Variants in PDGFRL observed in about 807,000 individuals in gnomAD.
PDGFRL encodes the protein platelet-derived growth factor receptor-like protein.
PDGFRL carries 46 observed loss-of-function variants against 37.2 expected under a neutral mutation model. That is an observed-to-expected ratio of 1.24 (90% CI 0.98 to 1.58). The LOEUF (loss-of-function observed/expected upper bound fraction) is 1.58, where lower values mean the gene tolerates loss of function less well. Among genes scored for constraint, PDGFRL ranks in the 40% most tolerant of loss-of-function variants. The probability of loss-of-function intolerance (pLI) is 0.00; values close to 1 mark genes in which losing one functional copy is unlikely to be tolerated. For missense variants in PDGFRL, 692 were observed against 467.6 expected, an observed-to-expected ratio of 1.48 and a Z score of -4.43; for synonymous variants, 251 against 184.3, an observed-to-expected ratio of 1.36 and a Z score of -2.93.
rs1427492676 is a variant in PDGFRL at position 17,588,936 on chromosome 8, T to C, written c.56-532T>C. Among the ~76,000 whole-genome samples the C allele has an allele frequency of 2.6e-5, 4 of 152,206 alleles. No homozygotes were observed. The South Asian group carries it at 6.2e-4, about 24-fold the overall frequency. On this transcript the variant is annotated intron_variant, in intron 1 of 5. Transcript: ENST00000251630. Reference sequence around the variant, plus strand: ...ATTTTAGCTCATACATGAACTGTTTTGCTGAATTTGAATAATATCTTTGGA... The same window carrying C: ...ATTTTAGCTCATACATGAACTGTTTCGCTGAATTTGAATAATATCTTTGGA...
intron 3 of PDGFRL, among the ~76,000 whole-genome samples, chr8:17,621,430 G>C (rs922360244): frequency 1.3e-5 from 2 of 149,474 alleles, no homozygotes; most frequent in African/African-American, 5.0e-5. Flanking sequence ...AGATGGGAAA[G>C]TTGAGGTTTA....
intron 5 of PDGFRL, among the ~76,000 whole-genome samples, chr8:17,636,208 T>C (rs1333994537): frequency 6.6e-6 from 1 of 152,246 alleles, no homozygotes; most frequent in Non-Finnish European, 1.5e-5. Flanking sequence ...TCTAGAAAGG[T>C]TTTTCCACTG....
intron 1 of PDGFRL, among the ~76,000 whole-genome samples, chr8:17,581,976 T>C (rs1344053623): frequency 6.6e-6 from 1 of 152,120 alleles, no homozygotes; most frequent in Non-Finnish European, 1.5e-5. Flanking sequence ...CGGAAGAGTT[T>C]GGAGGGCTCA....
At chr8:17,630,508 G>C (rs1035887493) in intron 4 of PDGFRL, among the ~76,000 whole-genome samples, 2 of 152,260 alleles carry the variant, frequency 1.3e-5, no homozygotes, top group East Asian at 1.9e-4. Context: ...TGGTTTCTAA[G>C]ACTGTTTGTT....
chr8:17,608,227 C>G (rs1282943112), intron 2 of PDGFRL, among the ~76,000 whole-genome samples: 2 of 151,994 alleles, frequency 1.3e-5, no homozygotes, highest in Non-Finnish European at 2.9e-5. Context: ...AAGCACTCCT[C>G]TCTCTCCATC....
At chr8:17,633,019 C>T (rs1585334748) in intron 4 of PDGFRL, among the ~76,000 whole-genome samples, 1 of 152,124 alleles carries the variant, frequency 6.6e-6, no homozygotes, top group East Asian at 1.9e-4. Flanking sequence ...TTAAATTAAC[C>T]ATACGATGAC....
chr8:17,631,289 C>A (rs930874849), intron 4 of PDGFRL, among the ~76,000 whole-genome samples: 3 of 152,120 alleles, frequency 2.0e-5, no homozygotes, highest in Non-Finnish European at 1.5e-5. Context: ...TTTAGTCTCT[C>A]CGAGAACTCT....
intron 3 of PDGFRL, among the ~76,000 whole-genome samples, chr8:17,621,530 C>T (rs906621510): frequency 5.9e-5 from 9 of 152,042 alleles, no homozygotes; most frequent in African/African-American, 2.2e-4. Context: ...GGGTCTGTCC[C>T]TGCACTCCCC....
At chr8:17,603,034 G>C (rs1357793378) in intron 2 of PDGFRL, among the ~76,000 whole-genome samples, 1 of 152,184 alleles carries the variant, frequency 6.6e-6, no homozygotes, top group Non-Finnish European at 1.5e-5. Context: ...CCAGCCTGGA[G>C]TGCAGTGGCA....
chr8:17,620,736 T>C (rs1199113057), intron 2 of PDGFRL, among the ~76,000 whole-genome samples: 1 of 152,170 alleles, frequency 6.6e-6, no homozygotes, highest in African/African-American at 2.4e-5. Flanking sequence ...TTGCAAAAAA[T>C]ATTTACCTCA....
intron 2 of PDGFRL, 68 bp from the exon 3 acceptor site, chr8:17,620,983 G>A (rs138265309): frequency 2.2e-5 from 27 of 1,201,888 alleles, no homozygotes; most frequent in South Asian, 3.2e-5. Context: ...CAGTGGAGCC[G>A]AGTGTGACAG....
chr8:17,631,195 T>C (rs1804854040), intron 4 of PDGFRL, among the ~76,000 whole-genome samples: 1 of 152,166 alleles, frequency 6.6e-6, no homozygotes, highest in East Asian at 1.9e-4. Context: ...CTCGCCTTTC[T>C]GGAGTGAAGC....
Position 17,592,916 on chromosome 8 carries a change from GCACACACACACACA to G in PDGFRL, c.353+3173_353+3186del, listed in dbSNP as rs140137425. Among the ~76,000 whole-genome samples, 18 of 29,580 alleles carry G rather than the reference GCACACACACACACA, an allele frequency of 6.1e-4. No individual in the cohort carries two copies. The Admixed American group carries it at 0.01, about 17-fold the overall frequency. The allele number at this position is 29,580 out of a possible 152,430, so 19.4% of individuals were successfully genotyped here. A position where few individuals can be genotyped will look rare whatever the true frequency, so the allele number is the denominator to read the frequency against. ...TTGTCCTTCTTAAACCCACATACATGCACACACACACACACACACACACACACACACACACTACT... is the reference window on the plus strand; with the variant it reads ...TTGTCCTTCTTAAACCCACATACATGCACACACACACACACACACACTACT... On this transcript the variant is annotated intron_variant, in intron 2 of 5. Coordinates refer to ENST00000251630, the MANE Select transcript of PDGFRL (RefSeq NM_001372073.1).
At chr8:17,620,765 C>T (rs574833367) in intron 2 of PDGFRL, among the ~76,000 whole-genome samples, 1 of 152,162 alleles carries the variant, frequency 6.6e-6, no homozygotes, top group East Asian at 1.9e-4. Flanking sequence ...CGCTGAAAAG[C>T]CGAATAATCC....
At chr8:17,602,480 T>C (rs950417141) in intron 2 of PDGFRL, among the ~76,000 whole-genome samples, 4 of 152,014 alleles carry the variant, frequency 2.6e-5, no homozygotes, top group Non-Finnish European at 4.4e-5. Flanking sequence ...AGAGTAATCA[T>C]CGAATTTTTT....
chr8:17,612,443 C>T (rs1179916099), intron 2 of PDGFRL, among the ~76,000 whole-genome samples: 1 of 152,136 alleles, frequency 6.6e-6, no homozygotes, highest in Non-Finnish European at 1.5e-5. Context: ...ATGATCTCAG[C>T]TCACTGCACC....
chr8:17,633,715 G>A (rs1804907290), intron 4 of PDGFRL, among the ~76,000 whole-genome samples: 1 of 152,132 alleles, frequency 6.6e-6, no homozygotes, highest in Non-Finnish European at 1.5e-5. Flanking sequence ...TGCCACCCCT[G>A]TGGACACCAC....
At position 17,589,759 on chromosome 8, in the gene PDGFRL, G is replaced by A. The variant is rs777180205; in HGVS notation, c.347G>A (p.Arg116His). The A allele has an allele frequency of 5.0e-6, 8 of 1,589,380 alleles. No homozygotes were observed. The highest frequency in any genetic ancestry group is 2.3e-5 in the South Asian group (2 of 88,844). Residue 116 changes from arginine (R) to histidine (H), a missense_variant, in exon 2 of 6, where the codon CGC becomes CAC. Coordinates refer to ENST00000251630, the MANE Select transcript of PDGFRL (RefSeq NM_001372073.1). ...TATCTGGACACCTTTAAGGATTCTC[G>A]CCTCAGGTAAGCATTTTTTTTTAAA... The part of the protein sequence containing the change: ...PAYLDTFKDS[R>H]LSVKQNERYG...
intron 5 of PDGFRL, among the ~76,000 whole-genome samples, chr8:17,638,778 T>TAA (rs1805030994): frequency 8.9e-6 from 1 of 112,456 alleles, no homozygotes; most frequent in African/African-American, 3.7e-5. Context: ...TATATATATA[T>TAA]ATATATATAA....
Sources: gnomAD v4.1 joint callset for allele counts (sites outside exome capture counted in the v4.1 genomes callset) on GRCh38, gnomAD v4.1.1 for gene constraint, MANE v1.5 for transcripts, NCBI Gene and HGNC (gene_info 2026-07-23, HGNC 2026-07-21) for gene names.